SLC5A1: variants seen among roughly 807,000 people sequenced by gnomAD.
SLC5A1 encodes sodium/glucose cotransporter 1.
SLC5A1 carries 42 observed loss-of-function variants against 73.5 expected under a neutral mutation model. That is an observed-to-expected ratio of 0.57 (90% confidence interval 0.45 to 0.74). The LOEUF (loss-of-function observed/expected upper bound fraction) is 0.74. SLC5A1 is among the 30% of genes least tolerant of loss of function. SLC5A1 has a pLI of 0.00. For missense variants in SLC5A1, 634 were observed against 855.4 expected (o/e 0.74, Z 3.23); for synonymous variants, 300 against 317.4 (o/e 0.95, Z 0.58).
At position 32,102,790 on chromosome 22, in the gene SLC5A1, C is replaced by CT. The variant is rs373084138; in HGVS notation, c.1665+557dup. 4.2e-3 allele frequency among the ~76,000 whole-genome samples: 633 copies of CT among 152,250 alleles called. 8 individuals carry two copies. Among genetic ancestry groups the CT allele is most frequent in the African/African-American group, 0.014 (599 of 41,548 alleles). ...ATCTCCATGAGTTTGGTTTTTAAAA[C>CT]TTTTAGCTCCTATATATGGTGAGAA... is the stretch of plus-strand genomic sequence containing the variant. On this transcript the variant is annotated intron_variant, in intron 13 of 14. Transcript: ENST00000266088.
At position 32,080,870 on chromosome 22, in the gene SLC5A1, T is replaced by C. The variant is rs1336396170; in HGVS notation, c.478-996T>C. On this transcript the variant is annotated intron_variant, in intron 5 of 14. Transcript: ENST00000266088. ...TTAGCTGGGTGTGGTGGTGCACACA[T>C]GTAATCCCAGCTACTCAGGAGGCTG... 2.0e-5 allele frequency among the ~76,000 whole-genome samples: 3 copies of C among 152,134 alleles called. No individual in the cohort carries two copies. In the East Asian group the frequency reaches 5.8e-4, roughly 29 times the overall value.
rs372081140 is a variant in SLC5A1 at position 32,102,215 on chromosome 22, C to T, written c.1643C>T (p.Thr548Ile). 1.9e-6 allele frequency: 3 copies of T among 1,613,720 alleles called. No individual in the cohort carries two copies. Among genetic ancestry groups the T allele is most frequent in the Non-Finnish European group, 2.5e-6 (3 of 1,179,766 alleles). Residue 548 changes from threonine to isoleucine, a missense_variant, in exon 13 of 15, where the codon ACC becomes ATC. This residue lies in a region of SLC5A1 where 161 missense variants were observed against 178.7 expected (regional missense o/e 0.90). Coordinates refer to ENST00000266088, the MANE Select transcript of SLC5A1 (RefSeq NM_000343.4). The part of the protein sequence containing the change: ...FITIVVISLL[T>I]KPIPDVHLYR... ...ACCATCGTGGTCATCTCCCTCCTCA[C>T]CAAACCCATTCCGGATGTGCATGTG...
At chr22:32,060,472 G>A (rs1481006354) in intron 2 of SLC5A1, among the ~76,000 whole-genome samples, 2 of 152,122 alleles carry the variant, frequency 1.3e-5, no homozygotes, top group African/African-American at 4.8e-5. Flanking sequence ...TGGGATTACA[G>A]GTGTGAGCCA....
At position 32,043,926 on chromosome 22, in the gene SLC5A1, G is replaced by A. The variant is rs1158742915; in HGVS notation, c.135+510G>A. Among the ~76,000 whole-genome samples the A allele has an allele frequency of 6.6e-6, 1 of 152,198 alleles. No individual in the cohort carries two copies. On this transcript the variant is annotated intron_variant, in intron 1 of 14. Transcript: ENST00000266088. The surrounding 1 kb of genome is among the most constrained non-coding windows in gnomAD (Gnocchi z 6.5). Reference sequence around the variant, plus strand: ...TGACCCATGCCCCACTCCTGGGAGAGGCTAACCCAGAGGCCTTGTGCATGA... The same window carrying A: ...TGACCCATGCCCCACTCCTGGGAGAAGCTAACCCAGAGGCCTTGTGCATGA...
chr22:32,053,544 C>T (rs1034939913), intron 2 of SLC5A1, among the ~76,000 whole-genome samples: 2 of 152,108 alleles, frequency 1.3e-5, no homozygotes, highest in African/African-American at 2.4e-5. Flanking sequence ...CTTGGTGTTT[C>T]TAGGCATCAA....
At position 32,078,954 on chromosome 22, in the gene SLC5A1, C is replaced by CAAAAAA. The variant is rs6147589; in HGVS notation, c.478-2887_478-2882dup. 8.0e-4 allele frequency among the ~76,000 whole-genome samples: 87 copies of CAAAAAA among 109,066 alleles called. 2 individuals are homozygous for CAAAAAA. The highest frequency in any genetic ancestry group is 1.6e-3 in the African/African-American group (37 of 22,716). The allele number at this position is 109,066 out of a possible 152,430, so 71.6% of individuals were successfully genotyped here. A position where few individuals can be genotyped will look rare whatever the true frequency, so the allele number is the denominator to read the frequency against. On this transcript the variant is annotated intron_variant, in intron 5 of 14. Coordinates refer to ENST00000266088, the MANE Select transcript of SLC5A1 (RefSeq NM_000343.4). ...TGGCGAAAGAGCAAGACTCTGTCTCCAAAAAAAAAAAAAAAAAAAAAAAAA... is the reference window on the plus strand; with the variant it reads ...TGGCGAAAGAGCAAGACTCTGTCTCCAAAAAAAAAAAAAAAAAAAAAAAAAAAAAAA...
Position 32,084,605 on chromosome 22 carries a change from T to A in SLC5A1, c.831T>A (p.Pro277=). The A allele has an allele frequency of 6.2e-7, 1 of 1,614,230 alleles. No individual in the cohort carries two copies. The highest frequency in any genetic ancestry group is 1.3e-5 in the African/African-American group (1 of 75,066). ...CCCTCACGGGAGACCTCCCATGGCC[T>A]GGGTTCATCTTTGGGATGTCCATCC... ...RDPLTGDLPW[P]GFIFGMSILT... is the part of the protein sequence containing the mutation. Residue 277 remains proline (P), a synonymous_variant, in exon 8 of 15, where the codon CCT becomes CCA. Coordinates refer to ENST00000266088, the MANE Select transcript of SLC5A1 (RefSeq NM_000343.4).
chr22:32,046,795 T>A (rs1410293154), intron 1 of SLC5A1, among the ~76,000 whole-genome samples: 2 of 152,218 alleles, frequency 1.3e-5, no homozygotes, highest in African/African-American at 2.4e-5. Flanking sequence ...CAAAACATTG[T>A]GGGTCAGTAA....
At chr22:32,087,977 A>T (rs1000418495) in intron 10 of SLC5A1, among the ~76,000 whole-genome samples, 13 of 152,210 alleles carry the variant, frequency 8.5e-5, no homozygotes, top group African/African-American at 3.1e-4. Flanking sequence ...TTAAAAAATT[A>T]AAAAACTACA....
In SLC5A1 at chr22:32,057,295, C is replaced by CTCG. The variant is rs779685909; in HGVS notation, c.207+7283_207+7284insGTC. Among the ~76,000 whole-genome samples, 7 of 152,316 alleles carry CTCG rather than the reference C, an allele frequency of 4.6e-5. No homozygotes were observed. The South Asian group carries it at 6.2e-4, about 14-fold the overall frequency. ...TTTTCATTGTTTTTTGAGATATGAT[C>CTCG]TCACTCTGTTGCCCAAGCTGGAGTG... On this transcript the variant is annotated intron_variant, in intron 2 of 14. Coordinates refer to ENST00000266088, the MANE Select transcript of SLC5A1 (RefSeq NM_000343.4).
intron 9 of SLC5A1, 90 bp downstream of exon 9, chr22:32,085,125 T>C (rs1291229085): frequency 7.2e-6 from 10 of 1,379,840 alleles, no homozygotes; most frequent in African/African-American, 2.9e-5. Flanking sequence ...CTTCCTCCTC[T>C]TTTTTTTTGA....
intron 2 of SLC5A1, among the ~76,000 whole-genome samples, chr22:32,053,719 G>A (rs377256824): frequency 4.6e-5 from 7 of 152,214 alleles, no homozygotes; most frequent in Middle Eastern, 6.8e-3. Context: ...GGTAGAAGTC[G>A]GAAGAGGCAG....
At chr22:32,083,501 T>C (rs2094003215) in intron 7 of SLC5A1, among the ~76,000 whole-genome samples, 1 of 152,152 alleles carries the variant, frequency 6.6e-6, no homozygotes, top group Non-Finnish European at 1.5e-5. Flanking sequence ...TCAAGCTAAA[T>C]CTAGTCAAAT....
Position 32,110,624 on chromosome 22 carries a change from CCATT to C in SLC5A1, c.*412_*415del. ...CCACTTTTCCTGTCCGTCCTCCTCCCCATTTTTTTTTTAAAAGAAAGCTGTTTTC... is the reference window on the plus strand; with the variant it reads ...CCACTTTTCCTGTCCGTCCTCCTCCCTTTTTTTTAAAAGAAAGCTGTTTTC... On this transcript the variant is annotated 3_prime_UTR_variant, in exon 15 of 15. Transcript: ENST00000266088. The C allele has an allele frequency of 3.6e-6, 1 of 281,128 alleles. No individual in the cohort carries two copies. Among genetic ancestry groups the C allele is most frequent in the South Asian group, 3.8e-5 (1 of 26,314 alleles). 17.4% of individuals were successfully genotyped at this position (281,128 alleles called of 1,614,324 possible).
Position 32,109,854 on chromosome 22 carries a change from G to A in SLC5A1, c.1772-136G>A, listed in dbSNP as rs1032652662. On this transcript the variant is annotated intron_variant, in intron 14 of 14. Coordinates refer to ENST00000266088, the MANE Select transcript of SLC5A1 (RefSeq NM_000343.4). ...ATTCCTTAAAACAAGAAAATATGGG[G>A]GAAATTTGGGGAAATTTCTCATTTT... 8.5e-5 allele frequency: 58 copies of A among 682,894 alleles called. 5 individuals carry two copies. The South Asian group carries it at 9.2e-4, about 11-fold the overall frequency. 42.3% of individuals were successfully genotyped at this position (682,894 alleles called of 1,614,324 possible). A position where few individuals can be genotyped will look rare whatever the true frequency, so the allele number is the denominator to read the frequency against.
chr22:32,110,609 T>C lies in SLC5A1; in HGVS notation c.*396T>C. On this transcript the variant is annotated 3_prime_UTR_variant, in exon 15 of 15. Coordinates refer to ENST00000266088, the MANE Select transcript of SLC5A1 (RefSeq NM_000343.4). ...TCTCCCTGGTTCCTGCCACTTTTCC[T>C]GTCCGTCCTCCTCCCCATTTTTTTT... is the stretch of plus-strand genomic sequence containing the variant. The C allele has an allele frequency of 3.4e-6, 1 of 291,236 alleles. No homozygotes were observed. The highest frequency in any genetic ancestry group is 3.6e-5 in the South Asian group (1 of 27,996). 18.0% of individuals were successfully genotyped at this position (291,236 alleles called of 1,614,324 possible).
chr22:32,067,851 C>A (rs2093976417), intron 3 of SLC5A1, 116 bp from the exon 4 acceptor site: 1 of 1,056,192 alleles, frequency 9.5e-7, no homozygotes. Context: ...TCTCTAACGG[C>A]TCCTTAGGGG....
chr22:32,049,415 C>T (rs200874854), intron 1 of SLC5A1, among the ~76,000 whole-genome samples: 5 of 130,418 alleles, frequency 3.8e-5, no homozygotes, highest in East Asian at 2.3e-4. Flanking sequence ...ATTTCTTTTT[C>T]TTTTTTTTTT....
At position 32,053,176 on chromosome 22, in the gene SLC5A1, G is replaced by C. The variant is rs553915425; in HGVS notation, c.207+3162G>C. ...TCTGAGTCGAGGTTTTGCAAAACTT[G>C]GTAGTTCCCCATTGGTATATTTTGG... On this transcript the variant is annotated intron_variant, in intron 2 of 14. Transcript: ENST00000266088. Among the ~76,000 whole-genome samples the C allele has an allele frequency of 1.7e-4, 26 of 152,224 alleles. No individual in the cohort carries two copies. The South Asian group carries it at 5.4e-3, about 32-fold the overall frequency.
Sources: allele counts gnomAD v4.1 joint callset (sites outside exome capture counted in the v4.1 genomes callset), GRCh38; gene constraint gnomAD v4.1.1; regional missense constraint gnomAD v4.1.1; non-coding constraint Gnocchi (gnomAD v3.1); transcripts MANE v1.5; gene names NCBI Gene and HGNC (gene_info 2026-07-23, HGNC 2026-07-21).